WDR1: variants seen among roughly 807,000 people sequenced by gnomAD.
WDR1 encodes the protein WD repeat domain 1, also known as WD repeat-containing protein 1.
WDR1 carries 21 observed loss-of-function variants against 71.9 expected under a neutral mutation model. The ratio of observed to expected loss-of-function variants is 0.29; its 90% CI spans 0.21 to 0.42. The LOEUF (loss-of-function observed/expected upper bound fraction) is 0.42. Among genes scored for constraint, WDR1 ranks in the 10% least tolerant of loss-of-function variants. WDR1 has a pLI of 1.00. For missense variants in WDR1, 696 were observed against 824.5 expected, an observed-to-expected ratio of 0.84 and a Z score of 1.91; for synonymous variants, 424 against 347.4, an observed-to-expected ratio of 1.22 and a Z score of -2.45.
chr4:10,113,785 C>T lies in WDR1; in HGVS notation c.138+2328G>A, dbSNP rs546828357. On this transcript the variant is annotated intron_variant, in intron 2 of 14. Transcript: ENST00000499869. ...AGGATTTACTAAAATTAAAATGTGG[C>T]GCAGTAGCGAAGCAGAGAGTGAAAC... Among the ~76,000 whole-genome samples the T allele has an allele frequency of 1.1e-4, 16 of 152,284 alleles. No individual in the cohort carries two copies. The South Asian group carries it at 1.9e-3, about 18-fold the overall frequency.
chr4:10,077,931 G>A lies in WDR1; in HGVS notation c.1396-5C>T, dbSNP rs375175073. 1.5e-5 allele frequency: 24 copies of A among 1,598,940 alleles called. No individual in the cohort carries two copies. Among genetic ancestry groups the A allele is most frequent in the East Asian group, 9.0e-5 (4 of 44,376 alleles). ...ATACAGGCGGACGTTGCCGTCCTACGGCAGGGACAGAGAGGAAGTGAGCCA... is the reference window on the plus strand; with the variant it reads ...ATACAGGCGGACGTTGCCGTCCTACAGCAGGGACAGAGAGGAAGTGAGCCA... On this transcript the variant is annotated splice_region_variant and splice_polypyrimidine_tract_variant and intron_variant, in intron 12 of 14. Transcript: ENST00000499869.
chr4:10,077,759 G>C lies in WDR1; in HGVS notation c.1563C>G (p.Gly521=), dbSNP rs750719810. 1 of 1,585,880 alleles carries C rather than the reference G, an allele frequency of 6.3e-7. No homozygotes were observed. Among genetic ancestry groups the C allele is most frequent in the South Asian group, 1.1e-5 (1 of 87,724 alleles). The change falls in exon 13 of 15, where the codon GGC becomes GGG. Residue 521 remains glycine, a synonymous_variant. Coordinates refer to ENST00000499869, the MANE Select transcript of WDR1 (RefSeq NM_017491.5). ...KVVTVFSVAD[G]YSENNVFYGH... ...GGAGCCCGCCGCCACTCACCGAGTA[G>C]CCGTCAGCAACGCTGAACACTGTGA...
intron 1 of WDR1, 132 bp downstream of exon 1, chr4:10,116,519 C>G: frequency 1.4e-6 from 1 of 726,466 alleles, no homozygotes; most frequent in Non-Finnish European, 1.7e-6. Context: ...GGCCCCGCCA[C>G]GCCTCCGGCC....
intron 5 of WDR1, chr4:10,093,114 G>T (rs770934949): frequency 7.8e-7 from 1 of 1,289,350 alleles, no homozygotes; most frequent in Non-Finnish European, 1.0e-6. Context: ...ATCACAGAGC[G>T]ACAGAGCGCT....
chr4:10,088,066 T>C (rs978877480), intron 7 of WDR1, 126 bp from the exon 8 acceptor site: 8 of 996,620 alleles, frequency 8.0e-6, no homozygotes, highest in South Asian at 1.6e-5. Context: ...GGGTGGGACA[T>C]GAGTGAGGCC....
At chr4:10,116,578 G>C (rs912721927) in intron 1 of WDR1, 73 bp downstream of exon 1, 1 of 1,103,666 alleles carries the variant, frequency 9.1e-7, no homozygotes, top group African/African-American at 1.7e-5. Context: ...CCACCCGCAC[G>C]GCGCCTAGGG....
chr4:10,103,903 G>A lies in WDR1; in HGVS notation c.222C>T (p.Ala74=), dbSNP rs375602146. 31 of 1,587,828 alleles carry A rather than the reference G, an allele frequency of 2.0e-5. No homozygotes were observed. The highest frequency in any genetic ancestry group is 2.6e-5 in the Non-Finnish European group (30 of 1,167,624). ...AKYAPSGFYI[A]SGDVSGKLRI... ...CTTGCCCCCATACAGTACCTCCGGA[G>A]GCAATGTAGAATCCGCTGGGCGCAT... The change falls in exon 3 of 15, where the codon GCC becomes GCT. Residue 74 remains alanine, a synonymous_variant. Transcript: ENST00000499869.
In WDR1 at chr4:10,075,289, C is replaced by T. The variant is rs187969269; in HGVS notation, c.*89G>A. 124 of 1,192,208 alleles carry T rather than the reference C, an allele frequency of 1.0e-4. No homozygotes were observed. In the East Asian group the frequency reaches 1.9e-3, roughly 19 times the overall value. The allele number at this position is 1,192,208 out of a possible 1,614,324, so 73.9% of individuals were successfully genotyped here. A position where few individuals can be genotyped will look rare whatever the true frequency, so the allele number is the denominator to read the frequency against. ...TTGTGGTGGGGTGGGGGCATGGGGG[C>T]GCGTCACAGAAATAGAGAAATGACA... is the stretch of plus-strand genomic sequence containing the variant. On this transcript the variant is annotated 3_prime_UTR_variant, in exon 15 of 15. Transcript: ENST00000499869.
At chr4:10,107,547 ACTACC>A (rs1482480251) in intron 2 of WDR1, among the ~76,000 whole-genome samples, 1 of 152,068 alleles carries the variant, frequency 6.6e-6, no homozygotes, top group Admixed American at 6.5e-5. Flanking sequence ...CCTTGGGCTG[ACTACC>A]CCAACCCATG....
intron 11 of WDR1, among the ~76,000 whole-genome samples, chr4:10,080,899 T>A (rs2109640670): frequency 6.6e-6 from 1 of 152,338 alleles, no homozygotes; most frequent in Non-Finnish European, 1.5e-5. Context: ...GACTTACATG[T>A]ACTTCCTCAT....
chr4:10,078,118 A>G (rs1183079894), intron 12 of WDR1, among the ~76,000 whole-genome samples, 192 bp from the exon 13 acceptor site: 4 of 152,210 alleles, frequency 2.6e-5, no homozygotes, highest in African/African-American at 9.6e-5. Context: ...CTATGAAAAC[A>G]GCTGTTGGTA....
chr4:10,077,924 G>T lies in WDR1; in HGVS notation c.1398C>A (p.Asp466Glu), dbSNP rs201075123. 1 of 1,602,594 alleles carries T rather than the reference G, an allele frequency of 6.2e-7. No individual in the cohort carries two copies. The highest frequency in any genetic ancestry group is 1.3e-5 in the African/African-American group (1 of 74,806). Residue 466 changes from aspartate (D) to glutamate (E), a missense_variant and splice_region_variant, in exon 13 of 15, where the codon GAC becomes GAA. Asp to Glu is a conservative substitution (Grantham distance 45). Coordinates refer to ENST00000499869, the MANE Select transcript of WDR1 (RefSeq NM_017491.5). ...GGDTVAIGGV[D>E]GNVRLYSILG... ...GGATGGAATACAGGCGGACGTTGCC[G>T]TCCTACGGCAGGGACAGAGAGGAAG...
chr4:10,079,836 T>C (rs2109638400), intron 11 of WDR1, among the ~76,000 whole-genome samples: 2 of 152,330 alleles, frequency 1.3e-5, no homozygotes, highest in South Asian at 2.1e-4. Flanking sequence ...CTCTGTCATC[T>C]GCCCGGCTCT....
chr4:10,082,919 G>A lies in WDR1; in HGVS notation c.1196+103C>T, dbSNP rs1389607566. The A allele has an allele frequency of 6.3e-6, 9 of 1,419,528 alleles. No individual in the cohort carries two copies. In the Admixed American group the frequency reaches 1.1e-4, roughly 18 times the overall value. 87.9% of individuals were successfully genotyped at this position (1,419,528 alleles called of 1,614,324 possible). A position where few individuals can be genotyped will look rare whatever the true frequency, so the allele number is the denominator to read the frequency against. On this transcript the variant is annotated intron_variant, in intron 10 of 14. Transcript: ENST00000499869. The stretch of plus-strand genomic sequence containing the variant: ...GGGGACGGGGTGGGAGAGATGAAAG[G>A]AGCAAGTGAGGCGTCCTCCAGAACA...
At chr4:10,112,512 A>G (rs1173289669) in intron 2 of WDR1, among the ~76,000 whole-genome samples, 1 of 152,214 alleles carries the variant, frequency 6.6e-6, no homozygotes, top group Non-Finnish European at 1.5e-5. Context: ...ATGTGTTGAA[A>G]TAAACAGGTA....
intron 2 of WDR1, among the ~76,000 whole-genome samples, chr4:10,113,679 A>T (rs549999223): frequency 1.3e-5 from 2 of 152,252 alleles, no homozygotes; most frequent in Non-Finnish European, 2.9e-5. Flanking sequence ...AGGTGGGGGA[A>T]GATAGCTTAG....
chr4:10,095,794 C>T (rs371499840), intron 5 of WDR1, among the ~76,000 whole-genome samples: 2 of 152,196 alleles, frequency 1.3e-5, no homozygotes, highest in Admixed American at 6.5e-5. Context: ...ACCCTGTTTC[C>T]GGGAGGGCCC....
At chr4:10,112,812 T>C (rs1713465167) in intron 2 of WDR1, among the ~76,000 whole-genome samples, 1 of 152,182 alleles carries the variant, frequency 6.6e-6, no homozygotes, top group Non-Finnish European at 1.5e-5. Context: ...GAGCACCTAC[T>C]GTGTGCCAGA....
Position 10,083,135 on chromosome 4 carries a change from C to A in WDR1, c.1083G>T (p.Gly361=). The change falls in exon 10 of 15, where the codon GGG becomes GGT. Residue 361 remains glycine (G), a synonymous_variant. Transcript: ENST00000499869. The part of the protein sequence containing the change: ...SETGENDSFA[G]KGHTNQVSRM... ...TGGACACCTGGTTCGTGTGGCCTTT[C>A]CCAGCGAAGGAGTCGTTCTCCCCCG... The A allele has an allele frequency of 1.9e-6, 3 of 1,613,970 alleles. No homozygotes were observed. Among genetic ancestry groups the A allele is most frequent in the Non-Finnish European group, 2.5e-6 (3 of 1,179,882 alleles).
Sources: gnomAD v4.1 joint callset for allele counts (sites outside exome capture counted in the v4.1 genomes callset) on GRCh38, gnomAD v4.1.1 for gene constraint, MANE v1.5 for transcripts, NCBI Gene and HGNC (gene_info 2026-07-23, HGNC 2026-07-21) for gene names.